The following MSL2 variants were observed in gnomAD, a reference collection of about 807,000 sequenced individuals.
The protein encoded by MSL2 is E3 ubiquitin-protein ligase MSL2.
A neutral mutation model predicts 35.8 loss-of-function variants in MSL2; 2 were observed. That is an observed-to-expected ratio of 0.06 (90% CI 0.02 to 0.18). The LOEUF is 0.18. Among genes scored for constraint, MSL2 ranks in the 10% least tolerant of loss-of-function variants. The probability of loss-of-function intolerance (pLI) is 1.00; values close to 1 mark genes in which losing one functional copy is unlikely to be tolerated. For missense variants in MSL2, 523 were observed against 706.7 expected (o/e 0.74, Z 2.95); for synonymous variants, 296 against 255.7 (o/e 1.16, Z -1.50).
intron 1 of MSL2, among the ~76,000 whole-genome samples, chr3:136,182,025 CTT>C (rs1453393375): frequency 6.6e-6 from 1 of 151,732 alleles, no homozygotes; most frequent in Non-Finnish European, 1.5e-5. Context: ...AAAATCAAAA[CTT>C]AAACAAGATG....
chr3:136,166,940 TCTTA>T (rs1427260724), intron 1 of MSL2, among the ~76,000 whole-genome samples: 1 of 152,220 alleles, frequency 6.6e-6, no homozygotes, highest in African/African-American at 2.4e-5. Context: ...GTAAATTATG[TCTTA>T]ATTACTTCTG....
intron 1 of MSL2, chr3:136,155,772 G>A: frequency 1.8e-6 from 1 of 560,542 alleles, no homozygotes. Context: ...ATGTACGTAT[G>A]CAAAGAGAAC....
intron 1 of MSL2, among the ~76,000 whole-genome samples, chr3:136,175,969 A>C (rs1000541914): frequency 1.3e-5 from 2 of 152,180 alleles, no homozygotes; most frequent in Non-Finnish European, 2.9e-5. Context: ...ATAGCACCAA[A>C]ATTAAACTCC....
In MSL2 at chr3:136,150,071, C is replaced by CA. The variant is rs1576350972; in HGVS notation, c.*1075dup. 1 of 152,664 alleles carries CA rather than the reference C, an allele frequency of 6.6e-6. No individual in the cohort carries two copies. Among genetic ancestry groups the CA allele is most frequent in the East Asian group, 1.9e-4 (1 of 5,192 alleles). The allele number at this position is 152,664 out of a possible 1,614,324, so 9.5% of individuals were successfully genotyped here. A position where few individuals can be genotyped will look rare whatever the true frequency, so the allele number is the denominator to read the frequency against. ...TGAAACATACTTTGTGCTTTACATG[C>CA]AAAAGAGCATTCTAAAGAAAATCCT... On this transcript the variant is annotated 3_prime_UTR_variant, in exon 2 of 2. Transcript: ENST00000309993.
At position 136,151,515 on chromosome 3, in the gene MSL2, G is replaced by T. The variant is rs772841039; in HGVS notation, c.1366C>A (p.Pro456Thr). The change falls in exon 2 of 2, where the codon CCC becomes ACC. Residue 456 changes from proline to threonine, a missense_variant. This residue lies in a region of MSL2 where 361 missense variants were observed against 414.6 expected (regional missense o/e 0.87). Coordinates refer to ENST00000309993, the MANE Select transcript of MSL2 (RefSeq NM_018133.4). The surrounding 1 kb of genome is among the most constrained non-coding windows in gnomAD (Gnocchi z 5.2). ...GSPTKTVYKK[P>T]QEKKGCKCGR... ...CATTTACACCCTTTCTTTTCCTGGG[G>T]TTTTTTGTACACAGTCTTGGTAGGA... The T allele has an allele frequency of 1.5e-5, 24 of 1,614,038 alleles. No individual in the cohort carries two copies. The highest frequency in any genetic ancestry group is 3.3e-5 in the Admixed American group (2 of 59,992).
intron 1 of MSL2, among the ~76,000 whole-genome samples, chr3:136,174,280 C>G (rs1354207786): frequency 1.3e-5 from 2 of 152,136 alleles, no homozygotes; most frequent in African/African-American, 4.8e-5. Flanking sequence ...CTCATTTTAA[C>G]CAAGATGGAC....
At chr3:136,189,135 A>AAACAC (rs746820441) in intron 1 of MSL2, among the ~76,000 whole-genome samples, 2 of 121,698 alleles carry the variant, frequency 1.6e-5, no homozygotes, top group African/African-American at 3.9e-5. Flanking sequence ...AAAAAAAAAA[A>AAACAC]ACACACACAC....
rs746745785 is a variant in MSL2, at chr3:136,195,143, G to A, written c.-30C>T. The stretch of plus-strand genomic sequence containing the variant: ...GACACTTCGACACCAATGGCTCCCG[G>A]TTGAAAAGAAATTCCGGATCCAACT... On this transcript the variant is annotated 5_prime_UTR_variant, in exon 1 of 2. Coordinates refer to ENST00000309993, the MANE Select transcript of MSL2 (RefSeq NM_018133.4). The A allele has an allele frequency of 2.5e-5, 39 of 1,568,250 alleles. No individual in the cohort carries two copies. Among genetic ancestry groups the A allele is most frequent in the Non-Finnish European group, 3.3e-5 (38 of 1,159,318 alleles).
chr3:136,163,731 G>A (rs1939769241), intron 1 of MSL2, among the ~76,000 whole-genome samples: 1 of 152,174 alleles, frequency 6.6e-6, no homozygotes. Context: ...GACAGACCAG[G>A]TGGAGATAAC....
At chr3:136,159,514 C>T (rs530309222) in intron 1 of MSL2, among the ~76,000 whole-genome samples, 47 of 149,238 alleles carry the variant, frequency 3.1e-4, no homozygotes, top group South Asian at 6.4e-4. Flanking sequence ...CAGGCGCCCG[C>T]CACCACGCCC....
rs1940438218 is a variant in MSL2 at position 136,183,967 on chromosome 3, A to G, written c.142+11005T>C. Among the ~76,000 whole-genome samples, 3 of 152,204 alleles carry G rather than the reference A, an allele frequency of 2.0e-5. No homozygotes were observed. The South Asian group carries it at 6.2e-4, about 32-fold the overall frequency. On this transcript the variant is annotated intron_variant, in intron 1 of 1. Coordinates refer to ENST00000309993, the MANE Select transcript of MSL2 (RefSeq NM_018133.4). Reference sequence around the variant, plus strand: ...TCCTGACTCTTATCCAGGTAATAAGATTTCACAAAATAATTGAAGATCACA... The same window carrying G: ...TCCTGACTCTTATCCAGGTAATAAGGTTTCACAAAATAATTGAAGATCACA...
At chr3:136,184,330 G>C (rs189434684) in intron 1 of MSL2, among the ~76,000 whole-genome samples, 63 of 152,056 alleles carry the variant, frequency 4.1e-4, no homozygotes, top group African/African-American at 1.5e-3. Flanking sequence ...GCTGGGCACA[G>C]TAGCTCATGT....
chr3:136,174,350 C>A (rs1424028966), intron 1 of MSL2, among the ~76,000 whole-genome samples: 1 of 152,170 alleles, frequency 6.6e-6, no homozygotes, highest in African/African-American at 2.4e-5. Flanking sequence ...TCTACTGATT[C>A]CCAGCCTAGA....
In MSL2 at chr3:136,175,657, T is replaced by C. The variant is rs187304447; in HGVS notation, c.142+19315A>G. ...GAGCCATGATCGGATCACTGCACCC[T>C]AGCCTGCGTGACAGAGGCCCCATCT... On this transcript the variant is annotated intron_variant, in intron 1 of 1. Coordinates refer to ENST00000309993, the MANE Select transcript of MSL2 (RefSeq NM_018133.4). Among the ~76,000 whole-genome samples the C allele has an allele frequency of 4.9e-4, 73 of 149,518 alleles. 1 individual carries two copies. Among genetic ancestry groups the C allele is most frequent in the African/African-American group, 1.7e-3 (71 of 41,392 alleles).
At chr3:136,156,781 G>A (rs1939540138) in intron 1 of MSL2, among the ~76,000 whole-genome samples, 1 of 152,204 alleles carries the variant, frequency 6.6e-6, no homozygotes, top group African/African-American at 2.4e-5. Flanking sequence ...CGTGAACCCA[G>A]GAGGCGGAGC....
At chr3:136,170,518 T>C (rs1226298641) in intron 1 of MSL2, among the ~76,000 whole-genome samples, 2 of 134,114 alleles carry the variant, frequency 1.5e-5, no homozygotes, top group Non-Finnish European at 3.2e-5. Context: ...CTTTTTTTTT[T>C]TTTTTTTTTT....
intron 1 of MSL2, among the ~76,000 whole-genome samples, chr3:136,192,081 G>GA (rs1172463961): frequency 1.3e-5 from 2 of 152,200 alleles, no homozygotes; most frequent in Non-Finnish European, 2.9e-5. Context: ...TATGTATCAA[G>GA]AAAATCAGAC....
Position 136,195,294 on chromosome 3 carries a change from T to C in MSL2, c.-181A>G, listed in dbSNP as rs1316857553. 2.8e-6 allele frequency: 4 copies of C among 1,413,870 alleles called. No homozygotes were observed. Among genetic ancestry groups the C allele is most frequent in the Non-Finnish European group, 2.8e-6 (3 of 1,089,996 alleles). The allele number at this position is 1,413,870 out of a possible 1,614,324, so 87.6% of individuals were successfully genotyped here. ...GGAGCTGAAACAATCCTCCCACACA[T>C]GGGGCCTTGGCGCCCCTCCGTCCCT... On this transcript the variant is annotated 5_prime_UTR_variant, in exon 1 of 2. The change abolishes an upstream ATG in the 5' untranslated region. Coordinates refer to ENST00000309993, the MANE Select transcript of MSL2 (RefSeq NM_018133.4).
intron 1 of MSL2, among the ~76,000 whole-genome samples, chr3:136,188,246 C>G (rs1940578275): frequency 6.6e-6 from 1 of 152,026 alleles, no homozygotes; most frequent in African/African-American, 2.4e-5. Flanking sequence ...CCATCCTGGC[C>G]AACATGGTGA....
Sources: allele counts gnomAD v4.1 joint callset (sites outside exome capture counted in the v4.1 genomes callset), GRCh38; gene constraint gnomAD v4.1.1; regional missense constraint gnomAD v4.1.1; non-coding constraint Gnocchi (gnomAD v3.1); transcripts MANE v1.5; gene names NCBI Gene and HGNC (gene_info 2026-07-23, HGNC 2026-07-21).